ASTN2: variants seen among roughly 807,000 people sequenced by gnomAD.
The protein encoded by ASTN2 is astrotactin 2, also known as astrotactin-2.
A neutral mutation model predicts 139.8 loss-of-function variants in ASTN2; 54 were observed. The ratio of observed to expected loss-of-function variants is 0.39; its 90% confidence interval spans 0.31 to 0.48. The LOEUF (loss-of-function observed/expected upper bound fraction) is 0.48. Among genes scored for constraint, ASTN2 ranks in the 20% least tolerant of loss-of-function variants. ASTN2 has a pLI of 0.95. For missense variants in ASTN2, 1,565 were observed against 1,725.1 expected (o/e 0.91, Z 1.64); for synonymous variants, 756 against 719.5 (o/e 1.05, Z -0.81).
chr9:117,331,137 T>G (rs1828693013), intron 1 of ASTN2, among the ~76,000 whole-genome samples: 1 of 152,172 alleles, frequency 6.6e-6, no homozygotes, highest in African/African-American at 2.4e-5. Flanking sequence ...AGACTCTAAG[T>G]GTCCCAATCA....
At chr9:117,151,268 C>T (rs1172771796) in intron 3 of ASTN2, among the ~76,000 whole-genome samples, 1 of 152,132 alleles carries the variant, frequency 6.6e-6, no homozygotes, top group Non-Finnish European at 1.5e-5. Context: ...TCCAATAATC[C>T]AATGAGAATC....
At chr9:116,609,361 T>C (rs1169404736) in intron 19 of ASTN2, among the ~76,000 whole-genome samples, 1 of 111,758 alleles carries the variant, frequency 8.9e-6, no homozygotes, top group Non-Finnish European at 1.8e-5. Flanking sequence ...CATATATACA[T>C]GAATTATATA....
At chr9:116,867,536 C>A (rs1476073786) in intron 10 of ASTN2, among the ~76,000 whole-genome samples, 21 of 114,400 alleles carry the variant, frequency 1.8e-4, no homozygotes, top group South Asian at 6.2e-4. Context: ...GGCGACAGAG[C>A]GAGACTCTGT....
At chr9:116,659,173 T>A (rs181184606) in intron 16 of ASTN2, among the ~76,000 whole-genome samples, 1 of 151,682 alleles carries the variant, frequency 6.6e-6, no homozygotes, top group Non-Finnish European at 1.5e-5. Flanking sequence ...ATAGTACATG[T>A]CACGTTTTTA....
chr9:116,648,104 C>A (rs1041679494), intron 17 of ASTN2, among the ~76,000 whole-genome samples: 4 of 151,582 alleles, frequency 2.6e-5, no homozygotes, highest in African/African-American at 9.7e-5. Flanking sequence ...CGGGTTCAAG[C>A]GATTCTCCTG....
chr9:117,347,319 T>A (rs984012536), intron 1 of ASTN2, among the ~76,000 whole-genome samples: 2 of 152,070 alleles, frequency 1.3e-5, no homozygotes, highest in Admixed American at 1.3e-4. Flanking sequence ...CACACATAGA[T>A]GGCTGTCAAC....
At chr9:116,853,089 T>C (rs1347405905) in intron 11 of ASTN2, among the ~76,000 whole-genome samples, 1 of 152,220 alleles carries the variant, frequency 6.6e-6, no homozygotes, top group East Asian at 1.9e-4. Flanking sequence ...CTTATTTATA[T>C]TTGCATATGC....
chr9:117,284,977 G>A (rs577260361), intron 2 of ASTN2, among the ~76,000 whole-genome samples: 57 of 152,292 alleles, frequency 3.7e-4, no homozygotes, highest in Admixed American at 3.3e-3. Context: ...TGAGATTACT[G>A]TAAGAATTTA....
intron 1 of ASTN2, among the ~76,000 whole-genome samples, chr9:117,339,908 A>C: frequency 8.4e-6 from 1 of 118,660 alleles, no homozygotes; most frequent in African/African-American, 2.8e-5. Context: ...CTCTTTTACA[A>C]AAAAAAAAAA....
At chr9:116,653,105 C>G (rs1858015659) in intron 16 of ASTN2, among the ~76,000 whole-genome samples, 1 of 152,210 alleles carries the variant, frequency 6.6e-6, no homozygotes, top group Non-Finnish European at 1.5e-5. Context: ...TCTTGGAGAT[C>G]AGGGGCCATG....
intron 2 of ASTN2, among the ~76,000 whole-genome samples, chr9:117,275,450 T>A (rs546510008): frequency 6.6e-6 from 1 of 152,104 alleles, no homozygotes; most frequent in African/African-American, 2.4e-5. Context: ...ACCAGCAGGA[T>A]TGGTTTCTGG....
At chr9:116,487,246 A>G in intron 20 of ASTN2, 113 bp downstream of exon 20, 1 of 1,327,974 alleles carries the variant, frequency 7.5e-7, no homozygotes, top group Non-Finnish European at 1.0e-6. Context: ...TTGCACATAC[A>G]GGCTAGCTAA....
intron 1 of ASTN2, among the ~76,000 whole-genome samples, chr9:117,338,938 C>T (rs1207423963): frequency 1.3e-5 from 2 of 152,106 alleles, no homozygotes; most frequent in African/African-American, 4.8e-5. Flanking sequence ...TGATTGCTAT[C>T]TCTCATCAAC....
At chr9:116,873,310 CA>C (rs1273577845) in intron 10 of ASTN2, among the ~76,000 whole-genome samples, 3 of 152,120 alleles carry the variant, frequency 2.0e-5, no homozygotes, top group African/African-American at 7.2e-5. Flanking sequence ...AAACAGCTTC[CA>C]GGGGAGGGAT....
At chr9:116,543,905 C>A (rs1047341786) in intron 19 of ASTN2, 2 of 152,108 alleles carry the variant, frequency 1.3e-5, no homozygotes, top group African/African-American at 4.8e-5. Context: ...CTGATGAGAA[C>A]GTGAAGTTCA....
intron 12 of ASTN2, among the ~76,000 whole-genome samples, chr9:116,809,201 T>C (rs1831103541): frequency 6.6e-6 from 1 of 152,228 alleles, no homozygotes. Context: ...CTGTATATTA[T>C]TGTAGTATTG....
intron 19 of ASTN2, among the ~76,000 whole-genome samples, chr9:116,603,813 A>T (rs1855041135): frequency 6.6e-6 from 1 of 152,150 alleles, no homozygotes; most frequent in Admixed American, 6.5e-5. Flanking sequence ...CTCTAACGGG[A>T]AGCTGCTACT....
At chr9:116,565,402 T>TCC in intron 19 of ASTN2, among the ~76,000 whole-genome samples, 1 of 66,602 alleles carries the variant, frequency 1.5e-5, no homozygotes, top group African/African-American at 6.1e-5. Context: ...TATATATATA[T>TCC]ATATATATAT....
chr9:117,314,472 G>A (rs974852055), intron 1 of ASTN2, among the ~76,000 whole-genome samples: 4 of 151,338 alleles, frequency 2.6e-5, no homozygotes, highest in African/African-American at 7.3e-5. Context: ...GTGGCCCTGC[G>A]GTTGCTGTCT....
Sources: gnomAD v4.1 joint callset for allele counts (sites outside exome capture counted in the v4.1 genomes callset) on GRCh38, gnomAD v4.1.1 for gene constraint, MANE v1.5 for transcripts, NCBI Gene and HGNC (gene_info 2026-07-23, HGNC 2026-07-21) for gene names.